The following TEF variants were observed in gnomAD, a reference collection of about 807,000 sequenced individuals.
The protein encoded by TEF is thyrotroph embryonic factor.
In TEF, 3 loss-of-function variants were observed where a neutral mutation model predicts 20.8. That is an observed-to-expected ratio of 0.14 (90% CI 0.07 to 0.37). The LOEUF (loss-of-function observed/expected upper bound fraction) is 0.37, where lower values mean the gene tolerates loss of function less well. Among genes scored for constraint, TEF ranks in the 10% least tolerant of loss-of-function variants. The pLI is 1.00. For missense variants in TEF, 296 were observed against 397.9 expected (o/e 0.74, Z 2.18); for synonymous variants, 180 against 171.1 (o/e 1.05, Z -0.41).
intron 1 of TEF, among the ~76,000 whole-genome samples, chr22:41,383,966 A>G (rs1214234826): frequency 6.6e-6 from 1 of 152,218 alleles, no homozygotes; most frequent in Non-Finnish European, 1.5e-5. Flanking sequence ...CTTACTTCTC[A>G]GTTGGTTTTA....
chr22:41,373,799 C>T (rs931469423), intron 1 of TEF, among the ~76,000 whole-genome samples: 9 of 144,064 alleles, frequency 6.2e-5, no homozygotes, highest in Non-Finnish European at 1.1e-4. Context: ...ACGGAGTCTC[C>T]GTCACCCAGG....
chr22:41,378,833 TGTTTAA>T (rs1364606569), upstream of TEF, among the ~76,000 whole-genome samples: 2 of 152,168 alleles, frequency 1.3e-5, no homozygotes, highest in African/African-American at 2.4e-5. Context: ...CCCCTAAAGG[TGTTTAA>T]GTTTCGCCAC....
chr22:41,376,255 G>A (rs1271203775), intron 1 of TEF, among the ~76,000 whole-genome samples: 1 of 152,176 alleles, frequency 6.6e-6, no homozygotes, highest in Non-Finnish European at 1.5e-5. Flanking sequence ...TGTTGTTGTT[G>A]AGATGGAGTC....
intron 1 of TEF, 119 bp downstream of exon 1, chr22:41,382,320 T>A (rs1601818400): frequency 3.8e-6 from 3 of 790,760 alleles, no homozygotes; most frequent in Non-Finnish European, 4.7e-6. Context: ...CGGAGGGGGA[T>A]GGGGCCTGGA....
rs1393461732 is a variant in TEF at position 41,396,609 on chromosome 22, C to G, written c.*649C>G. On this transcript the variant is annotated 3_prime_UTR_variant, in exon 4 of 4. Coordinates refer to ENST00000266304, the MANE Select transcript of TEF (RefSeq NM_003216.4). Reference sequence around the variant, plus strand: ...CCCAGCGTTTCTCGGCTCCCGCACCCCTTTTCCCTTATGGCTCTGAGGCCA... The same window carrying G: ...CCCAGCGTTTCTCGGCTCCCGCACCGCTTTTCCCTTATGGCTCTGAGGCCA... 3.5e-5 allele frequency: 8 copies of G among 231,210 alleles called. No homozygotes were observed. The Admixed American group carries it at 4.0e-4, about 12-fold the overall frequency. The allele number at this position is 231,210 out of a possible 1,614,324, so 14.3% of individuals were successfully genotyped here. A position where few individuals can be genotyped will look rare whatever the true frequency, so the allele number is the denominator to read the frequency against.
At position 41,381,962 on chromosome 22, in the gene TEF, C is replaced by G; in HGVS notation, c.-83C>G. The G allele has an allele frequency of 1.6e-6, 2 of 1,227,250 alleles. No individual in the cohort carries two copies. The highest frequency in any genetic ancestry group is 2.0e-6 in the Non-Finnish European group (2 of 985,398). 76.0% of individuals were successfully genotyped at this position (1,227,250 alleles called of 1,614,324 possible). On this transcript the variant is annotated 5_prime_UTR_variant, in exon 1 of 4. Coordinates refer to ENST00000266304, the MANE Select transcript of TEF (RefSeq NM_003216.4). The stretch of plus-strand genomic sequence containing the variant: ...CCTGCGCAGTAGCTGCCCGTGTCGG[C>G]AGCTGCAGCGGGTCGCACGGCTCCG...
At chr22:41,367,652 G>C in intron 1 of TEF, 1 of 1,526,918 alleles carries the variant, frequency 6.5e-7, no homozygotes, top group South Asian at 1.2e-5. Flanking sequence ...TCGAGGGGGC[G>C]AGGGGGCAGC....
At chr22:41,380,298 G>A (rs900481512), upstream of TEF, among the ~76,000 whole-genome samples, 30 of 152,260 alleles carry the variant, frequency 2.0e-4, no homozygotes, top group Middle Eastern at 3.4e-3. Flanking sequence ...GATTACAGGC[G>A]CCAGCCACCA....
At chr22:41,372,286 G>A (rs1218400863) in intron 1 of TEF, among the ~76,000 whole-genome samples, 1 of 152,028 alleles carries the variant, frequency 6.6e-6, no homozygotes, top group Non-Finnish European at 1.5e-5. Context: ...TCCCTTCAGA[G>A]AAATGTGAGA....
At chr22:41,377,290 C>T (rs183388073), upstream of TEF, 3 of 152,304 alleles carry the variant, frequency 2.0e-5, no homozygotes, top group African/African-American at 7.2e-5. Flanking sequence ...GCACATCAGG[C>T]TAATTGTTTA....
At chr22:41,394,064 G>T (rs770653842) in intron 2 of TEF, 32 bp from the exon 3 acceptor site, 4 of 1,604,400 alleles carry the variant, frequency 2.5e-6, no homozygotes, top group East Asian at 2.2e-5. Context: ...CCAGTGGGCT[G>T]CTTCGGGACC....
chr22:41,395,569 C>T (rs186022346), intron 3 of TEF, among the ~76,000 whole-genome samples, 176 bp from the exon 4 acceptor site: 2 of 152,060 alleles, frequency 1.3e-5, no homozygotes, highest in Non-Finnish European at 2.9e-5. Flanking sequence ...TCGTCCTGCC[C>T]CCGAGGAAAG....
At chr22:41,390,970 C>T (rs941371280) in intron 2 of TEF, among the ~76,000 whole-genome samples, 1 of 152,110 alleles carries the variant, frequency 6.6e-6, no homozygotes, top group African/African-American at 2.4e-5. Context: ...GAAGGGCACC[C>T]AGGCATGGCG....
chr22:41,369,589 C>T (rs977241860), intron 1 of TEF, among the ~76,000 whole-genome samples: 3 of 151,892 alleles, frequency 2.0e-5, no homozygotes, highest in Non-Finnish European at 4.4e-5. Context: ...ATCAGTTTCC[C>T]AAAGCTGCCC....
upstream of TEF, among the ~76,000 whole-genome samples, chr22:41,378,318 G>A (rs1188172101): frequency 4.2e-5 from 6 of 144,230 alleles, no homozygotes; most frequent in East Asian, 8.1e-4. Context: ...ACAGGCACTC[G>A]CCACCACGCC....
At chr22:41,369,007 A>G in intron 1 of TEF, 2 of 953,574 alleles carry the variant, frequency 2.1e-6, no homozygotes, top group Non-Finnish European at 2.5e-6. Context: ...AAGCTAAGGT[A>G]GAGGGTCCCC....
At chr22:41,377,203 G>A (rs1271894180), upstream of TEF, 3 of 152,184 alleles carry the variant, frequency 2.0e-5, no homozygotes, top group African/African-American at 4.8e-5. Context: ...TCACGAATCT[G>A]CATGTCATCC....
chr22:41,393,692 G>T (rs140633548), intron 2 of TEF, among the ~76,000 whole-genome samples: 2,562 of 149,212 alleles, frequency 0.017, 64 homozygotes, highest in African/African-American at 0.06. Flanking sequence ...AGAGTGGCAT[G>T]AACCCGGGAG....
chr22:41,373,925 G>A (rs1345337002), intron 1 of TEF, among the ~76,000 whole-genome samples: 4 of 151,198 alleles, frequency 2.6e-5, no homozygotes, highest in African/African-American at 9.7e-5. Flanking sequence ...TACCACACCC[G>A]GCTAATTTTT....
Sources: gnomAD v4.1 joint callset for allele counts (sites outside exome capture counted in the v4.1 genomes callset) on GRCh38, gnomAD v4.1.1 for gene constraint, MANE v1.5 for transcripts, NCBI Gene and HGNC (gene_info 2026-07-23, HGNC 2026-07-21) for gene names.